The following MIPOL1 variants were observed in gnomAD, a reference collection of about 807,000 sequenced individuals.
MIPOL1 encodes mirror-image polydactyly 1, also known as mirror-image polydactyly gene 1 protein.
MIPOL1 carries 57 observed loss-of-function variants against 60.9 expected under a neutral mutation model. That is an observed-to-expected ratio of 0.94 (90% confidence interval 0.76 to 1.17). The LOEUF is 1.17. Among genes scored for constraint, MIPOL1 ranks in the 50% most tolerant of loss-of-function variants. MIPOL1 has a pLI of 0.00. For missense variants in MIPOL1, 551 were observed against 511.6 expected, an observed-to-expected ratio of 1.08 and a Z score of -0.74; for synonymous variants, 179 against 168.8, an observed-to-expected ratio of 1.06 and a Z score of -0.47.
rs756660256 is a variant in MIPOL1, at chr14:37,268,648, T to G, written c.252-10T>G. Reference sequence around the variant, plus strand: ...TTACTCTGAAATGTTAATCAGTTTCTTTATTACAGCGTTATGGAACATAGA... The same window carrying G: ...TTACTCTGAAATGTTAATCAGTTTCGTTATTACAGCGTTATGGAACATAGA... On this transcript the variant is annotated splice_polypyrimidine_tract_variant and intron_variant, in intron 4 of 12. Transcript: ENST00000684589. 2.6e-6 allele frequency: 4 copies of G among 1,565,958 alleles called. No individual in the cohort carries two copies. The Admixed American group carries it at 8.1e-5, about 32-fold the overall frequency.
chr14:37,240,276 G>A (rs1972140441), intron 1 of MIPOL1: 1 of 152,104 alleles, frequency 6.6e-6, no homozygotes, highest in Admixed American at 6.6e-5. Flanking sequence ...CTGTTAGTAA[G>A]CATTATAATA....
intron 7 of MIPOL1, among the ~76,000 whole-genome samples, chr14:37,295,710 C>T (rs1350808799): frequency 3.3e-5 from 5 of 152,176 alleles, no homozygotes; most frequent in African/African-American, 7.2e-5. Flanking sequence ...ACAAAGAAGG[C>T]CATTGCATAA....
chr14:37,267,862 C>T (rs531851201), intron 4 of MIPOL1, among the ~76,000 whole-genome samples: 10 of 152,186 alleles, frequency 6.6e-5, no homozygotes, highest in African/African-American at 2.2e-4. Context: ...TTTGGGTTAG[C>T]GCTATTTTTC....
At chr14:37,380,746 T>C (rs1213412789) in intron 10 of MIPOL1, among the ~76,000 whole-genome samples, 2 of 152,200 alleles carry the variant, frequency 1.3e-5, no homozygotes, top group East Asian at 1.9e-4. Flanking sequence ...TTTTGATAAG[T>C]AATGATAGAA....
chr14:37,304,138 A>G (rs1391868276), intron 7 of MIPOL1, among the ~76,000 whole-genome samples: 1 of 151,778 alleles, frequency 6.6e-6, no homozygotes, highest in African/African-American at 2.4e-5. Flanking sequence ...ATACGATAAA[A>G]TTATATAAAT....
At chr14:37,433,982 G>A (rs188446158) in intron 11 of MIPOL1, among the ~76,000 whole-genome samples, 7 of 152,236 alleles carry the variant, frequency 4.6e-5, no homozygotes, top group Admixed American at 3.3e-4. Context: ...GAATAGTGCC[G>A]CAATAAACAT....
intron 12 of MIPOL1, 93 bp from the exon 13 acceptor site, chr14:37,546,812 C>T: frequency 1.0e-6 from 1 of 985,968 alleles, no homozygotes. Flanking sequence ...ACTGCTTGGT[C>T]ACAGGCAAAT....
intron 10 of MIPOL1, among the ~76,000 whole-genome samples, chr14:37,411,687 T>C (rs2093683938): frequency 6.6e-6 from 1 of 152,160 alleles, no homozygotes; most frequent in Admixed American, 6.5e-5. Context: ...ACAATAGCAG[T>C]TGTTTCTTGT....
At chr14:37,276,893 C>A (rs1372196448) in intron 6 of MIPOL1, 1 of 151,094 alleles carries the variant, frequency 6.6e-6, no homozygotes, top group Non-Finnish European at 1.5e-5. Context: ...TATTGATAGA[C>A]TATTGATTAT....
At chr14:37,210,843 C>T (rs148001057) in intron 1 of MIPOL1, among the ~76,000 whole-genome samples, 2 of 152,272 alleles carry the variant, frequency 1.3e-5, no homozygotes, top group African/African-American at 4.8e-5. Context: ...GAATTTAGGT[C>T]TCTCCTATAA....
chr14:37,235,479 G>T (rs750634926), intron 1 of MIPOL1, among the ~76,000 whole-genome samples: 1 of 152,006 alleles, frequency 6.6e-6, no homozygotes, highest in African/African-American at 2.4e-5. Context: ...ACTTTGTATG[G>T]GTGTGTGGTA....
In MIPOL1 at chr14:37,308,182, A is replaced by G. The variant is rs1567393374; in HGVS notation, c.657+93A>G. On this transcript the variant is annotated intron_variant, in intron 8 of 12. Transcript: ENST00000684589. ...TGGGTTTCAAGAACTAAGATGTGGG[A>G]AAAAGAAGAATTGACACACTAATAA... is the stretch of plus-strand genomic sequence containing the variant. The G allele has an allele frequency of 4.6e-6, 6 of 1,313,956 alleles. No individual in the cohort carries two copies. The South Asian group carries it at 6.8e-5, about 15-fold the overall frequency. The allele number at this position is 1,313,956 out of a possible 1,614,324, so 81.4% of individuals were successfully genotyped here.
At chr14:37,278,880 C>T (rs2083876338) in intron 6 of MIPOL1, 1 of 151,748 alleles carries the variant, frequency 6.6e-6, no homozygotes, top group Non-Finnish European at 1.5e-5. Flanking sequence ...TGTGGTTCAG[C>T]TTCTTCATAT....
intron 1 of MIPOL1, among the ~76,000 whole-genome samples, chr14:37,205,754 T>C (rs1390416716): frequency 6.6e-6 from 1 of 152,132 alleles, no homozygotes; most frequent in Admixed American, 6.5e-5. Context: ...TTGCTCAGAA[T>C]GATGGTTTCC....
At chr14:37,380,705 G>A (rs1280974502) in intron 10 of MIPOL1, among the ~76,000 whole-genome samples, 1 of 152,110 alleles carries the variant, frequency 6.6e-6, no homozygotes, top group African/African-American at 2.4e-5. Context: ...GAGTTTCATA[G>A]TCAGTGTTGT....
rs1406429390 is a variant in MIPOL1 at position 37,547,032 on chromosome 14, A to G, written c.*61A>G. 2.8e-6 allele frequency: 4 copies of G among 1,427,534 alleles called. No homozygotes were observed. The highest frequency in any genetic ancestry group is 1.7e-4 in the Middle Eastern group (1 of 5,724). The allele number at this position is 1,427,534 out of a possible 1,614,324, so 88.4% of individuals were successfully genotyped here. ...TCTGGTGACCAGGCTGCTTCATTCAACACTGTGTAAACACCAAAGCCTTAA... is the reference window on the plus strand; with the variant it reads ...TCTGGTGACCAGGCTGCTTCATTCAGCACTGTGTAAACACCAAAGCCTTAA... On this transcript the variant is annotated 3_prime_UTR_variant, in exon 13 of 13. Transcript: ENST00000684589.
At chr14:37,485,079 T>C (rs1486817166) in intron 11 of MIPOL1, among the ~76,000 whole-genome samples, 1 of 152,094 alleles carries the variant, frequency 6.6e-6, no homozygotes, top group African/African-American at 2.4e-5. Context: ...CTTTTATGGG[T>C]GAGAACATGC....
chr14:37,257,463 A>C (rs1392561835), intron 3 of MIPOL1, among the ~76,000 whole-genome samples: 4 of 152,104 alleles, frequency 2.6e-5, no homozygotes, highest in Admixed American at 2.6e-4. Flanking sequence ...CATGTCAACA[A>C]AAAAAATTGA....
chr14:37,524,373 G>A (rs1369444614), intron 12 of MIPOL1, among the ~76,000 whole-genome samples: 1 of 152,016 alleles, frequency 6.6e-6, no homozygotes, highest in Non-Finnish European at 1.5e-5. Context: ...GTGTTGAGGA[G>A]AGTTCCCAGA....
Sources: gnomAD v4.1 joint callset for allele counts (sites outside exome capture counted in the v4.1 genomes callset) on GRCh38, gnomAD v4.1.1 for gene constraint, MANE v1.5 for transcripts, NCBI Gene and HGNC (gene_info 2026-07-23, HGNC 2026-07-21) for gene names.